COL3A1: variants seen among roughly 807,000 people sequenced by gnomAD.
COL3A1 encodes the protein collagen type III alpha 1 chain.
Under a neutral mutation model 200.9 loss-of-function variants are expected in COL3A1, and 46 were observed. That is an observed-to-expected ratio of 0.23 (90% CI 0.18 to 0.29). The LOEUF (loss-of-function observed/expected upper bound fraction) is 0.29, where lower values mean the gene tolerates loss of function less well. COL3A1 is among the 10% of genes least tolerant of loss of function. The pLI, the probability that COL3A1 is intolerant of heterozygous loss-of-function variation, is 1.00. For synonymous variants in COL3A1, 650 were observed against 628.0 expected, an observed-to-expected ratio of 1.03 and a Z score of -0.52; for missense variants, 1,367 against 1,917.6, an observed-to-expected ratio of 0.71 and a Z score of 5.36.
rs768671254 is a variant in COL3A1 at position 188,985,203 on chromosome 2, C to T, written c.289C>T (p.Arg97Cys). The T allele has an allele frequency of 3.1e-5, 50 of 1,612,204 alleles. No individual in the cohort carries two copies. In the Admixed American group the frequency reaches 5.0e-4, roughly 16 times the overall value. Residue 97 changes from arginine to cysteine, a missense_variant, in exon 3 of 51, where the codon CGC becomes TGC. By Grantham distance (180) the Arg-to-Cys change is radical. Around this residue, in one of 5 missense-constraint regions of COL3A1, gnomAD observed 462 missense variants for 681.4 expected, o/e 0.68. Coordinates refer to ENST00000304636, the MANE Select transcript of COL3A1 (RefSeq NM_000090.4). ...VCPQPPTAPT[R>C]PPNGQGPQGP... ...TTTCTTTTCCATTTATTAGCCTACT[C>T]GCCCTCCTAATGGTCAAGGACCTCA... is the stretch of plus-strand genomic sequence containing the variant.
Position 188,989,450 on chromosome 2 carries a change from G to C in COL3A1, c.690+1G>C. The C allele has an allele frequency of 6.2e-7, 1 of 1,605,968 alleles. No individual in the cohort carries two copies. Among genetic ancestry groups the C allele is most frequent in the Non-Finnish European group, 8.5e-7 (1 of 1,175,710 alleles). The stretch of plus-strand genomic sequence containing the variant: ...TCCATCTGGTCCTGCTGGAAAAGAT[G>C]TAAGTTTTTAAAACTTAAATAAGAA... On this transcript the variant is annotated splice_donor_variant, in intron 8 of 50. Coordinates refer to ENST00000304636, the MANE Select transcript of COL3A1 (RefSeq NM_000090.4). LOFTEE classifies it high-confidence loss of function.
In COL3A1 at chr2:188,996,790, G is replaced by A. The variant is rs1458296415; in HGVS notation, c.1761+294G>A. On this transcript the variant is annotated intron_variant, in intron 24 of 50. Coordinates refer to ENST00000304636, the MANE Select transcript of COL3A1 (RefSeq NM_000090.4). ...GATCACCTGAGGTCAGGAGTTCTAG[G>A]CCAGCCTTGCCAACATGGTGAAACC... Among the ~76,000 whole-genome samples the A allele has an allele frequency of 3.9e-5, 6 of 152,148 alleles. No individual in the cohort carries two copies. In the East Asian group the frequency reaches 9.7e-4, roughly 25 times the overall value.
intron 45 of COL3A1, 22 bp from the exon 46 acceptor site, chr2:189,007,863 T>G: frequency 6.2e-7 from 1 of 1,613,602 alleles, no homozygotes; most frequent in East Asian, 2.2e-5. Context: ...TTCACTCCTA[T>G]GTACACTTCC....
At chr2:188,996,997 G>GTA (rs1393470788) in intron 24 of COL3A1, among the ~76,000 whole-genome samples, 168 bp from the exon 25 acceptor site, 17 of 148,444 alleles carry the variant, frequency 1.1e-4, no homozygotes, top group African/African-American at 4.2e-4. Flanking sequence ...TCAAAAATAT[G>GTA]TATGTGTGTG....
At chr2:188,986,822 A>G (rs1425016316) in intron 4 of COL3A1, among the ~76,000 whole-genome samples, 1 of 152,096 alleles carries the variant, frequency 6.6e-6, no homozygotes, top group Non-Finnish European at 1.5e-5. Context: ...GGGAACTAAC[A>G]TTGAACACAG....
intron 47 of COL3A1, chr2:189,008,399 A>C: frequency 1.9e-6 from 1 of 513,090 alleles, no homozygotes; most frequent in African/African-American, 1.9e-5. Flanking sequence ...AATTAACCAA[A>C]TAAACCCTGT....
chr2:189,009,078 T>A lies in COL3A1; in HGVS notation c.3680T>A (p.Phe1227Tyr). Residue 1227 changes from phenylalanine to tyrosine, a missense_variant, in exon 48 of 51, where the codon TTC (phenylalanine) becomes TAC (tyrosine). Around this residue, in one of 5 missense-constraint regions of COL3A1, gnomAD observed 846 missense variants for 1,147.9 expected, o/e 0.74. Coordinates refer to ENST00000304636, the MANE Select transcript of COL3A1 (RefSeq NM_000090.4). ...TATTATGGAGATGAACCAATGGATT[T>A]CAAAATCAACACCGATGAGATTATG... is the stretch of plus-strand genomic sequence containing the variant. ...APYYGDEPMDFKINTDEIMTS... is the reference protein window; with the variant it reads ...APYYGDEPMDYKINTDEIMTS... The A allele has an allele frequency of 1.9e-6, 3 of 1,614,200 alleles. No individual in the cohort carries two copies. The highest frequency in any genetic ancestry group is 2.5e-6 in the Non-Finnish European group (3 of 1,180,018).
chr2:189,006,823 G>A, intron 43 of COL3A1, 114 bp from the exon 44 acceptor site: 1 of 1,057,698 alleles, frequency 9.5e-7, no homozygotes, highest in Non-Finnish European at 1.4e-6. Context: ...TCCAATAATT[G>A]CATGCATACT....
Position 189,011,697 on chromosome 2 carries a change from G to C in COL3A1, c.4324G>C (p.Val1442Leu). ...RTRKAVRLPIVDIAPYDIGGP... is the reference protein window; with the variant it reads ...RTRKAVRLPILDIAPYDIGGP... ...ACGCAAGGCTGTGAGACTACCTATT[G>C]TAGATATTGCACCCTATGACATTGG... Residue 1442 changes from valine to leucine, a missense_variant, in exon 51 of 51, where the codon GTA becomes CTA. Val to Leu is a conservative substitution (Grantham distance 32). Coordinates refer to ENST00000304636, the MANE Select transcript of COL3A1 (RefSeq NM_000090.4). The C allele has an allele frequency of 3.1e-6, 5 of 1,613,990 alleles. No homozygotes were observed. Among genetic ancestry groups the C allele is most frequent in the Non-Finnish European group, 4.2e-6 (5 of 1,179,904 alleles).
Position 188,988,001 on chromosome 2 carries a change from C to T in COL3A1, c.529-80C>T, listed in dbSNP as rs187093110. On this transcript the variant is annotated intron_variant, in intron 5 of 50. Transcript: ENST00000304636. ...ATAGTTGTTCATAGTTTTAACAATG[C>T]GAGTGTCATTGCTTTGAAGCATGGA... The T allele has an allele frequency of 2.9e-4, 308 of 1,046,478 alleles. 1 individual carries two copies. In the East Asian group the frequency reaches 6.5e-3, roughly 22 times the overall value. 64.8% of individuals were successfully genotyped at this position (1,046,478 alleles called of 1,614,324 possible). A position where few individuals can be genotyped will look rare whatever the true frequency, so the allele number is the denominator to read the frequency against.
chr2:188,998,275 G>A lies in COL3A1; in HGVS notation c.1933G>A (p.Gly645Ser). Residue 645 changes from glycine (G) to serine (S), a missense_variant, in exon 28 of 51, where the codon GGT becomes AGT. By Grantham distance (56) the Gly-to-Ser change is moderately conservative (BLOSUM62 0). This residue lies in a region of COL3A1 where 846 missense variants were observed against 1,147.9 expected (regional missense o/e 0.74). Coordinates refer to ENST00000304636, the MANE Select transcript of COL3A1 (RefSeq NM_000090.4). ...ATATGATTCTTTCTAGGGCTTGCCT[G>A]GTACAGGTGGTCCTCCAGGAGAAAA... is the stretch of plus-strand genomic sequence containing the variant. ...PGPQGLQGLP[G>S]TGGPPGENGK... is the part of the protein sequence containing the mutation. 1 of 1,613,624 alleles carries A rather than the reference G, an allele frequency of 6.2e-7. No individual in the cohort carries two copies. The highest frequency in any genetic ancestry group is 8.5e-7 in the Non-Finnish European group (1 of 1,179,698).
chr2:189,004,313 A>G lies in COL3A1; in HGVS notation c.2880A>G (p.Gly960=). The part of the protein sequence containing the change: ...AGITGARGLA[G]PPGMPGPRGS... Reference sequence around the variant, plus strand: ...TCACTGGAGCACGGGGTCTTGCAGGACCACCAGGCATGCCAGGTCCTAGGG... The same window carrying G: ...TCACTGGAGCACGGGGTCTTGCAGGGCCACCAGGCATGCCAGGTCCTAGGG... Residue 960 remains glycine (G), a synonymous_variant, in exon 40 of 51, where the codon GGA becomes GGG. Coordinates refer to ENST00000304636, the MANE Select transcript of COL3A1 (RefSeq NM_000090.4). 1 of 1,607,974 alleles carries G rather than the reference A, an allele frequency of 6.2e-7. No homozygotes were observed. Among genetic ancestry groups the G allele is most frequent in the Non-Finnish European group, 8.5e-7 (1 of 1,177,570 alleles).
At chr2:188,985,309 C>A in intron 3 of COL3A1, 62 bp downstream of exon 3, 1 of 1,386,024 alleles carries the variant, frequency 7.2e-7, no homozygotes, top group Non-Finnish European at 1.0e-6. Flanking sequence ...TAAGAGTTTG[C>A]TTTTTCTAGA....
chr2:189,008,321 A>C, intron 47 of COL3A1, 179 bp downstream of exon 47: 1 of 646,546 alleles, frequency 1.5e-6, no homozygotes, highest in Non-Finnish European at 2.7e-6. Context: ...CCACACTATA[A>C]CAGGAGAAAA....
chr2:189,005,724 A>T (rs766602441), intron 41 of COL3A1: 42 of 404,780 alleles, frequency 1.0e-4, no homozygotes, highest in Admixed American at 5.7e-4. Flanking sequence ...ACCACAATTG[A>T]CATGTTTTCT....
At chr2:188,981,982 A>C (rs1687963044) in intron 1 of COL3A1, among the ~76,000 whole-genome samples, 1 of 151,822 alleles carries the variant, frequency 6.6e-6, no homozygotes, top group African/African-American at 2.4e-5. Flanking sequence ...ATTTATTTCA[A>C]GTGGATGTGA....
intron 32 of COL3A1, among the ~76,000 whole-genome samples, chr2:189,000,684 T>C (rs1688436822): frequency 6.6e-6 from 1 of 152,118 alleles, no homozygotes; most frequent in South Asian, 2.1e-4. Flanking sequence ...AATTTCCTAG[T>C]TTTGATATTA....
rs1016172772 is a variant in COL3A1 at position 188,987,108 on chromosome 2, T to A, written c.497T>A (p.Val166Glu). 8 of 1,613,072 alleles carry A rather than the reference T, an allele frequency of 5.0e-6. No individual in the cohort carries two copies. Among genetic ancestry groups the A allele is most frequent in the Middle Eastern group, 1.7e-4 (1 of 6,058 alleles). ...DSYDVKSGVA[V>E]GGLAGYPGPA... ...TATGATGTCAAGTCTGGAGTAGCAG[T>A]AGGAGGACTCGCAGGCTATCCTGGA... is the stretch of plus-strand genomic sequence containing the variant. Residue 166 changes from valine to glutamate, a missense_variant, in exon 5 of 51, where the codon GTA (valine) becomes GAA (glutamate). By Grantham distance (121) the Val-to-Glu change is moderately radical. Transcript: ENST00000304636.
rs1687760995 is a variant in COL3A1 at position 188,974,379 on chromosome 2, G to A, written c.-111G>A. Reference sequence around the variant, plus strand: ...AAAGCAAAGGAATCTCAGTGGCTGAGTTTTATGACGGGCCCGGTGCTGAAG... The same window carrying A: ...AAAGCAAAGGAATCTCAGTGGCTGAATTTTATGACGGGCCCGGTGCTGAAG... On this transcript the variant is annotated 5_prime_UTR_variant, in exon 1 of 51. Transcript: ENST00000304636. The A allele has an allele frequency of 1.3e-6, 1 of 790,306 alleles. No individual in the cohort carries two copies. Among genetic ancestry groups the A allele is most frequent in the South Asian group, 1.6e-5 (1 of 63,002 alleles). The allele number at this position is 790,306 out of a possible 1,614,324, so 49.0% of individuals were successfully genotyped here. A position where few individuals can be genotyped will look rare whatever the true frequency, so the allele number is the denominator to read the frequency against.
Sources: gnomAD v4.1 joint callset for allele counts (sites outside exome capture counted in the v4.1 genomes callset) on GRCh38, gnomAD v4.1.1 for gene constraint, gnomAD v4.1.1 regional missense constraint, MANE v1.5 for transcripts, NCBI Gene and HGNC (gene_info 2026-07-23, HGNC 2026-07-21) for gene names.